The following DLX2 variants were observed in gnomAD, a reference collection of about 807,000 sequenced individuals.
The protein encoded by DLX2 is distal-less homeobox 2.
A neutral mutation model predicts 27.4 loss-of-function variants in DLX2; 8 were observed. The ratio of observed to expected loss-of-function variants is 0.29; its 90% confidence interval spans 0.17 to 0.53. DLX2 has a LOEUF of 0.53. DLX2 is among the 20% of genes least tolerant of loss of function. DLX2 has a pLI of 0.96. For synonymous variants in DLX2, 210 were observed against 200.8 expected (o/e 1.05, Z -0.39); for missense variants, 421 against 450.9 (o/e 0.93, Z 0.60).
chr2:172,102,147 T>A lies in DLX2; in HGVS notation c.392A>T (p.Asn131Ile), dbSNP rs762962850. ...TTCAGCGTTATGCATACCAGGCTCGTTGTTGGCTGGGGACGAACTGGTTCC... is the reference window on the plus strand; with the variant it reads ...TTCAGCGTTATGCATACCAGGCTCGATGTTGGCTGGGGACGAACTGGTTCC... ...PYGTSSSPANNEPEKEDLEPE... is the reference protein window; with the variant it reads ...PYGTSSSPANIEPEKEDLEPE... Residue 131 changes from asparagine to isoleucine, a missense_variant, in exon 1 of 3, where the codon AAC becomes ATC. Transcript: ENST00000234198. 16 of 1,613,436 alleles carry A rather than the reference T, an allele frequency of 9.9e-6. No homozygotes were observed. The East Asian group carries it at 2.9e-4, about 29-fold the overall frequency.
Position 172,102,776 on chromosome 2 carries a change from T to G in DLX2, c.-238A>C. The G allele has an allele frequency of 2.8e-6, 1 of 357,434 alleles. No individual in the cohort carries two copies. Among genetic ancestry groups the G allele is most frequent in the South Asian group, 5.1e-5 (1 of 19,704 alleles). 22.1% of individuals were successfully genotyped at this position (357,434 alleles called of 1,614,324 possible). On this transcript the variant is annotated 5_prime_UTR_variant, in exon 1 of 3. Coordinates refer to ENST00000234198, the MANE Select transcript of DLX2 (RefSeq NM_004405.4). ...TCGGCCTCTGGGCCCGCTCGGCTCCTTGCCCAGCGCGAGCGCGGGCTCTGG... is the reference window on the plus strand; with the variant it reads ...TCGGCCTCTGGGCCCGCTCGGCTCCGTGCCCAGCGCGAGCGCGGGCTCTGG...
intron 2 of DLX2, 35 bp downstream of exon 2, chr2:172,101,427 G>A (rs776827337): frequency 6.4e-7 from 1 of 1,564,866 alleles, no homozygotes. Flanking sequence ...TCTCAGGCCC[G>A]CGCTCTCCTC....
chr2:172,102,091 C>T (rs762899474), intron 1 of DLX2, 48 bp downstream of exon 1: 5 of 1,578,064 alleles, frequency 3.2e-6, no homozygotes, highest in Non-Finnish European at 4.3e-6. Context: ...CCCATCCATC[C>T]CATTAACTAG....
Position 172,100,695 on chromosome 2 carries a change from T to C in DLX2, c.835A>G (p.Asn279Asp). 1 of 1,547,752 alleles carries C rather than the reference T, an allele frequency of 6.5e-7. No homozygotes were observed. Among genetic ancestry groups the C allele is most frequent in the African/African-American group, 1.4e-5 (1 of 70,188 alleles). Residue 279 changes from asparagine to aspartate, a missense_variant, in exon 3 of 3, where the codon AAC (asparagine) becomes GAC (aspartate). Physicochemically the swap from Asn to Asp is conservative, Grantham distance 23. Around this residue, in one of 5 missense-constraint regions of DLX2, gnomAD observed 185 missense variants for 171.1 expected, o/e 1.08. Coordinates refer to ENST00000234198, the MANE Select transcript of DLX2 (RefSeq NM_004405.4). This position sits in a 1 kb window ranked among gnomAD's most constrained non-coding sequence, Gnocchi z 4.5. ...GAGGTCTGGTGGTACCAGGGGTAGT[T>C]GCCCAGAAAAGCCGAGGCCGCGCTG... ...PSSAASAFLG[N>D]YPWYHQTSGS... is the part of the protein sequence containing the mutation.
In DLX2 at chr2:172,100,682, T is replaced by C. The variant is rs571295299; in HGVS notation, c.848A>G (p.Tyr283Cys). The change falls in exon 3 of 3, where the codon TAC becomes TGC. Residue 283 changes from tyrosine to cysteine, a missense_variant. Coordinates refer to ENST00000234198, the MANE Select transcript of DLX2 (RefSeq NM_004405.4). The surrounding 1 kb of genome is among the most constrained non-coding windows in gnomAD (Gnocchi z 4.5). Reference protein sequence around the residue: ...ASAFLGNYPWYHQTSGSASHL... With the variant: ...ASAFLGNYPWCHQTSGSASHL... ...TGAGGCGGATCCCGAGGTCTGGTGG[T>C]ACCAGGGGTAGTTGCCCAGAAAAGC... 2 of 1,556,086 alleles carry C rather than the reference T, an allele frequency of 1.3e-6. No homozygotes were observed. Among genetic ancestry groups the C allele is most frequent in the East Asian group, 2.3e-5 (1 of 42,622 alleles).
rs1258401145 is a variant in DLX2, at chr2:172,100,375, C to A, written c.*168G>T. The A allele has an allele frequency of 3.0e-6, 2 of 658,448 alleles. No individual in the cohort carries two copies. Among genetic ancestry groups the A allele is most frequent in the South Asian group, 2.9e-5 (1 of 34,036 alleles). The allele number at this position is 658,448 out of a possible 1,614,324, so 40.8% of individuals were successfully genotyped here. On this transcript the variant is annotated 3_prime_UTR_variant, in exon 3 of 3. Transcript: ENST00000234198. The surrounding 1 kb of genome is among the most constrained non-coding windows in gnomAD (Gnocchi z 4.5). ...GTCCGGTTCCCCCGAGAGAGGGGCC[C>A]GTTTGGTGGCCCCGGGAGTGAGCAG... is the stretch of plus-strand genomic sequence containing the variant.
chr2:172,100,504 T>C lies in DLX2; in HGVS notation c.*39A>G, dbSNP rs1691132041. On this transcript the variant is annotated 3_prime_UTR_variant, in exon 3 of 3. Transcript: ENST00000234198. The surrounding 1 kb of genome is among the most constrained non-coding windows in gnomAD (Gnocchi z 4.5). The stretch of plus-strand genomic sequence containing the variant: ...GCTCGGGGTAAGCAATGAGGATAAG[T>C]GGTCTCTGCTCTCAGTCTCTGGCGA... The C allele has an allele frequency of 6.6e-7, 1 of 1,512,188 alleles. No homozygotes were observed. 93.7% of individuals were successfully genotyped at this position (1,512,188 alleles called of 1,614,324 possible). A position where few individuals can be genotyped will look rare whatever the true frequency, so the allele number is the denominator to read the frequency against.
intron 1 of DLX2, 63 bp from the exon 2 acceptor site, chr2:172,101,709 A>C: frequency 3.3e-6 from 5 of 1,503,776 alleles, no homozygotes; most frequent in Non-Finnish European, 3.6e-6. Context: ...CCGCCCTCCT[A>C]GAGGGCCCGG....
rs1320555041 is a variant in DLX2, at chr2:172,099,795, G to C, written c.*748C>G. 6.6e-6 allele frequency: 1 copy of C among 152,386 alleles called. No individual in the cohort carries two copies. Among genetic ancestry groups the C allele is most frequent in the Admixed American group, 6.5e-5 (1 of 15,278 alleles). The allele number at this position is 152,386 out of a possible 1,614,324, so 9.4% of individuals were successfully genotyped here. ...AAGTCCAGGCTAATAATCCTGAATAGGTTTTAAAAAAGATAATTTAAACAC... is the reference window on the plus strand; with the variant it reads ...AAGTCCAGGCTAATAATCCTGAATACGTTTTAAAAAAGATAATTTAAACAC... On this transcript the variant is annotated 3_prime_UTR_variant, in exon 3 of 3. Coordinates refer to ENST00000234198, the MANE Select transcript of DLX2 (RefSeq NM_004405.4).
rs767579934 is a variant in DLX2, at chr2:172,102,128, GT to G, written c.400+10del. On this transcript the variant is annotated intron_variant, in intron 1 of 2. Coordinates refer to ENST00000234198, the MANE Select transcript of DLX2 (RefSeq NM_004405.4). ...CCGACTCGGCACTCTTGACTTCAGC[GT>G]TATGCATACCAGGCTCGTTGTTGGC... 2 of 1,611,448 alleles carry G rather than the reference GT, an allele frequency of 1.2e-6. No homozygotes were observed. The highest frequency in any genetic ancestry group is 1.7e-6 in the Non-Finnish European group (2 of 1,178,576).
In DLX2 at chr2:172,102,425, A is replaced by C. The variant is rs554191002; in HGVS notation, c.114T>G (p.Gly38=). ...QPPSGGGAGP[G]GNSSSSSSLH... is the part of the protein sequence containing the mutation. Reference sequence around the variant, plus strand: ...GGCTGCTGCTGCTGCTGCTGTTGCCACCCGGGCCGGCGCCGCCGCCGCTCG... The same window carrying C: ...GGCTGCTGCTGCTGCTGCTGTTGCCCCCCGGGCCGGCGCCGCCGCCGCTCG... The change falls in exon 1 of 3, where the codon GGT becomes GGG. Residue 38 remains glycine, a synonymous_variant. Coordinates refer to ENST00000234198, the MANE Select transcript of DLX2 (RefSeq NM_004405.4). 2 of 1,546,018 alleles carry C rather than the reference A, an allele frequency of 1.3e-6. No homozygotes were observed. The highest frequency in any genetic ancestry group is 2.4e-5 in the South Asian group (2 of 83,880).
chr2:172,102,697 G>A lies in DLX2; in HGVS notation c.-159C>T, dbSNP rs1247896440. 8 of 684,666 alleles carry A rather than the reference G, an allele frequency of 1.2e-5. No individual in the cohort carries two copies. Among genetic ancestry groups the A allele is most frequent in the Admixed American group, 3.4e-5 (1 of 29,808 alleles). 42.4% of individuals were successfully genotyped at this position (684,666 alleles called of 1,614,324 possible). On this transcript the variant is annotated 5_prime_UTR_variant, in exon 1 of 3. Coordinates refer to ENST00000234198, the MANE Select transcript of DLX2 (RefSeq NM_004405.4). ...ACCGTCTAGGCGCCTCCTCCTCCGGGGGAGGCGATCACCGTGCGCTGCTCG... is the reference window on the plus strand; with the variant it reads ...ACCGTCTAGGCGCCTCCTCCTCCGGAGGAGGCGATCACCGTGCGCTGCTCG...
At position 172,100,487 on chromosome 2, in the gene DLX2, T is replaced by TA; in HGVS notation, c.*55dup. 1 of 1,476,626 alleles carries TA rather than the reference T, an allele frequency of 6.8e-7. No individual in the cohort carries two copies. The highest frequency in any genetic ancestry group is 1.4e-5 in the South Asian group (1 of 72,070). The allele number at this position is 1,476,626 out of a possible 1,614,324, so 91.5% of individuals were successfully genotyped here. On this transcript the variant is annotated 3_prime_UTR_variant, in exon 3 of 3. Transcript: ENST00000234198. This position sits in a 1 kb window ranked among gnomAD's most constrained non-coding sequence, Gnocchi z 4.5. Reference sequence around the variant, plus strand: ...GGGAGGAGGGAACCCCGGCTCGGGGTAAGCAATGAGGATAAGTGGTCTCTG... The same window carrying TA: ...GGGAGGAGGGAACCCCGGCTCGGGGTAAAGCAATGAGGATAAGTGGTCTCTG...
chr2:172,102,399 A>AGGC lies in DLX2; in HGVS notation c.137_139dup (p.Ser46_Leu47insArg). The AGGC allele has an allele frequency of 5.2e-6, 8 of 1,550,702 alleles. No homozygotes were observed. Among genetic ancestry groups the AGGC allele is most frequent in the Non-Finnish European group, 7.0e-6 (8 of 1,148,020 alleles). ...GGTGGGCGACTCCTGGGGCTTGTGG[A>AGGC]GGCTGCTGCTGCTGCTGCTGTTGCC... is the stretch of plus-strand genomic sequence containing the variant. On this transcript the variant is annotated inframe_insertion, in exon 1 of 3. Transcript: ENST00000234198.
intron 2 of DLX2, 134 bp from the exon 3 acceptor site, chr2:172,101,078 G>A: frequency 3.1e-6 from 3 of 982,534 alleles, no homozygotes; most frequent in East Asian, 2.6e-5. Context: ...GGAGATAAGA[G>A]GATCACGGGC....
chr2:172,102,305 G>T lies in DLX2; in HGVS notation c.234C>A (p.Gly78=). The T allele has an allele frequency of 6.2e-7, 1 of 1,608,878 alleles. No homozygotes were observed. The highest frequency in any genetic ancestry group is 8.5e-7 in the Non-Finnish European group (1 of 1,177,904). Residue 78 remains glycine, a synonymous_variant, in exon 1 of 3, where the codon GGC becomes GGA. Transcript: ENST00000234198. ...TGTGCGCGTAGGGCGAGCCCCCGCC[G>T]CCGCCGCCGCCCGCCGGGTGCTGCT... ...TNQQHPAGGG[G]GGGSPYAHMG...
intron 1 of DLX2, 96 bp downstream of exon 1, chr2:172,102,043 C>G: frequency 3.3e-6 from 5 of 1,524,586 alleles, no homozygotes; most frequent in Non-Finnish European, 3.5e-6. Context: ...GCGTGAAAAT[C>G]CAGAGCTTTC....
rs182471692 is a variant in DLX2, at chr2:172,101,418, C to T, written c.585+44G>A. On this transcript the variant is annotated intron_variant, in intron 2 of 2. Transcript: ENST00000234198. ...CTAAACCCGCCTGCTTCCCAGCCAT[C>T]TCAGGCCCGCGCTCTCCTCGCCCCT... 50 of 1,550,898 alleles carry T rather than the reference C, an allele frequency of 3.2e-5. No homozygotes were observed. The African/African-American group carries it at 6.6e-4, about 20-fold the overall frequency.
chr2:172,101,334 C>T, intron 2 of DLX2, 128 bp downstream of exon 2: 2 of 1,132,484 alleles, frequency 1.8e-6, no homozygotes, highest in Admixed American at 2.8e-5. Context: ...TAGGGCCGCT[C>T]GAGGCGCAGG....
Sources: allele counts gnomAD v4.1 joint callset, GRCh38; gene constraint gnomAD v4.1.1; regional missense constraint gnomAD v4.1.1; non-coding constraint Gnocchi (gnomAD v3.1); transcripts MANE v1.5; gene names NCBI Gene and HGNC (gene_info 2026-07-23, HGNC 2026-07-21).